The following TGM1 variants were observed in gnomAD, a reference collection of about 807,000 sequenced individuals.
The protein encoded by TGM1 is transglutaminase 1.
Under a neutral mutation model 88.7 loss-of-function variants are expected in TGM1, and 63 were observed. The observed-to-expected ratio is 0.71, with a 90% CI of 0.58 to 0.88. The LOEUF (loss-of-function observed/expected upper bound fraction) is 0.88, where lower values mean the gene tolerates loss of function less well. Ranked by LOEUF, TGM1 falls within the 40% of genes least tolerant of loss-of-function variation. The pLI is 0.00. For missense variants in TGM1, 996 were observed against 1,118.0 expected (o/e 0.89, Z 1.56); for synonymous variants, 415 against 431.1 (o/e 0.96, Z 0.46).
chr14:24,259,979 G>C lies in TGM1; in HGVS notation c.837C>G (p.Thr279=), dbSNP rs370435399. 1 of 1,614,128 alleles carries C rather than the reference G, an allele frequency of 6.2e-7. No homozygotes were observed. Among genetic ancestry groups the C allele is most frequent in the East Asian group, 2.2e-5 (1 of 44,878 alleles). Reference sequence around the variant, plus strand: ...AGGTCCGCTCACCAATCTGTGCTTCGGTCCCGTAGTAAATTCTCCCAGACT... The same window carrying C: ...AGGTCCGCTCACCAATCTGTGCTTCCGTCCCGTAGTAAATTCTCCCAGACT... ...LNESGRIYYG[T]EAQIGERTWN... is the part of the protein sequence containing the mutation. The change falls in exon 5 of 15, where the codon ACC becomes ACG. Residue 279 remains threonine (T), a synonymous_variant. Transcript: ENST00000206765. This position sits in a 1 kb window ranked among gnomAD's most constrained non-coding sequence, Gnocchi z 5.7.
At position 24,258,347 on chromosome 14, in the gene TGM1, T is replaced by C; in HGVS notation, c.1340A>G (p.Asp447Gly). The stretch of plus-strand genomic sequence containing the variant: ...CCACCCATCAAAGCCCGAGGGCAGA[T>C]CCGGCCTCTTCATCCAGCAGTCGTT... ...VWNDCWMKRP[D>G]LPSGFDGWQV... is the part of the protein sequence containing the mutation. Residue 447 changes from aspartate to glycine, a missense_variant, in exon 9 of 15, where the codon GAT becomes GGT. By Grantham distance (94) the Asp-to-Gly change is moderately conservative. Transcript: ENST00000206765. The C allele has an allele frequency of 6.2e-7, 1 of 1,614,132 alleles. No homozygotes were observed. The highest frequency in any genetic ancestry group is 8.5e-7 in the Non-Finnish European group (1 of 1,180,036).
rs1230681582 is a variant in TGM1 at position 24,255,026 on chromosome 14, T to C, written c.1873A>G (p.Ser625Gly). Residue 625 changes from serine to glycine, a missense_variant, in exon 12 of 15, where the codon AGT becomes GGT. Coordinates refer to ENST00000206765, the MANE Select transcript of TGM1 (RefSeq NM_000359.3). This position sits in a 1 kb window ranked among gnomAD's most constrained non-coding sequence, Gnocchi z 4.0. The part of the protein sequence containing the change: ...YLSVTFYTGV[S>G]GTIFKETKKE... ...TTGGTCTCCTTGAAGATGGTACCAC[T>C]GACACCAGTATAGAAAGTGACTGAG... The C allele has an allele frequency of 1.2e-6, 2 of 1,613,970 alleles. No homozygotes were observed. The highest frequency in any genetic ancestry group is 1.3e-5 in the African/African-American group (1 of 74,930).
In TGM1 at chr14:24,254,295, G is replaced by T; in HGVS notation, c.2089-7C>A. On this transcript the variant is annotated splice_polypyrimidine_tract_variant and splice_region_variant and intron_variant, in intron 13 of 14. Coordinates refer to ENST00000206765, the MANE Select transcript of TGM1 (RefSeq NM_000359.3). ...CCACTGCTGCTCCCAGTAACTGAGA[G>T]AAAAAGAGGCCCATCCCCCACGTCA... The T allele has an allele frequency of 6.2e-7, 1 of 1,613,982 alleles. No individual in the cohort carries two copies. Among genetic ancestry groups the T allele is most frequent in the Non-Finnish European group, 8.5e-7 (1 of 1,180,000 alleles).
At chr14:24,253,724 C>G (rs2040719965) in intron 14 of TGM1, among the ~76,000 whole-genome samples, 1 of 152,192 alleles carries the variant, frequency 6.6e-6, no homozygotes, top group Non-Finnish European at 1.5e-5. Flanking sequence ...TCAAGTGATC[C>G]ACTCACCTTG....
At position 24,259,018 on chromosome 14, in the gene TGM1, CT is replaced by C. The variant is rs36114057; in HGVS notation, c.1159+56del. 5.0e-6 allele frequency: 8 copies of C among 1,604,376 alleles called. No homozygotes were observed. In the South Asian group the frequency reaches 8.9e-5, roughly 18 times the overall value. Reference sequence around the variant, plus strand: ...TCTGGGCAGGGCTGGGTAAGCCTGGCTTTCCTCCCTTCTCCCTGTAGGGCCC... The same window carrying C: ...TCTGGGCAGGGCTGGGTAAGCCTGGCTTCCTCCCTTCTCCCTGTAGGGCCC... On this transcript the variant is annotated intron_variant, in intron 7 of 14. Transcript: ENST00000206765. The surrounding 1 kb of genome is among the most constrained non-coding windows in gnomAD (Gnocchi z 5.7).
intron 14 of TGM1, among the ~76,000 whole-genome samples, chr14:24,252,427 G>A (rs1251220164): frequency 6.6e-6 from 1 of 152,232 alleles, no homozygotes; most frequent in Non-Finnish European, 1.5e-5. Flanking sequence ...TGGGGCTGCT[G>A]AGGCAAGTCC....
intron 14 of TGM1, among the ~76,000 whole-genome samples, 167 bp from the exon 15 acceptor site, chr14:24,249,708 T>C (rs1453127376): frequency 1.3e-5 from 2 of 152,136 alleles, no homozygotes; most frequent in African/African-American, 4.8e-5. Context: ...AGGGCGCCTC[T>C]GCATAGCCAG....
In TGM1 at chr14:24,261,958, C is replaced by T. The variant is rs557123236; in HGVS notation, c.320-75G>A. 63 of 1,610,082 alleles carry T rather than the reference C, an allele frequency of 3.9e-5. 1 individual carries two copies. In the South Asian group the frequency reaches 6.8e-4, roughly 17 times the overall value. On this transcript the variant is annotated intron_variant, in intron 2 of 14. Coordinates refer to ENST00000206765, the MANE Select transcript of TGM1 (RefSeq NM_000359.3). ...CCTTATCATTAGCTTCCTATCCCCC[C>T]CAGAAATGCCAGGCTGAGTCTCTGG...
intron 4 of TGM1, 40 bp from the exon 5 acceptor site, chr14:24,260,098 C>T (rs1210722672): frequency 1.3e-6 from 2 of 1,550,810 alleles, no homozygotes; most frequent in African/African-American, 2.7e-5. Flanking sequence ...CCCTCCAGTT[C>T]TCTCCCTGGG....
rs779411899 is a variant in TGM1, at chr14:24,255,914, G to A, written c.1491+75C>T. On this transcript the variant is annotated intron_variant, in intron 10 of 14. Coordinates refer to ENST00000206765, the MANE Select transcript of TGM1 (RefSeq NM_000359.3). This position sits in a 1 kb window ranked among gnomAD's most constrained non-coding sequence, Gnocchi z 4.0. ...TGACTTGCCCCGGGTCGCAGAGCTG[G>A]TCAGTCAGCGGTGAAGTTGGGACCA... The A allele has an allele frequency of 2.7e-4, 334 of 1,255,950 alleles. 3 individuals are homozygous for A. Among genetic ancestry groups the A allele is most frequent in the Admixed American group, 4.0e-4 (20 of 50,618 alleles). 77.8% of individuals were successfully genotyped at this position (1,255,950 alleles called of 1,614,324 possible).
rs767782456 is a variant in TGM1 at position 24,259,982 on chromosome 14, C to T, written c.834G>A (p.Gly278=). 14 of 1,614,080 alleles carry T rather than the reference C, an allele frequency of 8.7e-6. No homozygotes were observed. Among genetic ancestry groups the T allele is most frequent in the South Asian group, 4.4e-5 (4 of 91,086 alleles). ...VLNESGRIYY[G]TEAQIGERTW... is the part of the protein sequence containing the mutation. ...TCCGCTCACCAATCTGTGCTTCGGT[C>T]CCGTAGTAAATTCTCCCAGACTCAT... is the stretch of plus-strand genomic sequence containing the variant. Residue 278 remains glycine (G), a synonymous_variant, in exon 5 of 15, where the codon GGG becomes GGA. Transcript: ENST00000206765. The surrounding 1 kb of genome is among the most constrained non-coding windows in gnomAD (Gnocchi z 5.7).
At chr14:24,258,234 A>G in intron 9 of TGM1, 51 bp downstream of exon 9, 3 of 1,461,356 alleles carry the variant, frequency 2.1e-6, no homozygotes, top group Non-Finnish European at 2.9e-6. Flanking sequence ...TGTGTTAATC[A>G]GGTGGGGGAG....
chr14:24,249,131 T>C lies in TGM1; in HGVS notation c.*182A>G. ...GCAGCAGCTTCATTAAAAAACAGTT[T>C]ATTAGCATCTGTTCCCCCAGTGCAA... is the stretch of plus-strand genomic sequence containing the variant. On this transcript the variant is annotated 3_prime_UTR_variant, in exon 15 of 15. Transcript: ENST00000206765. 9.0e-6 allele frequency: 6 copies of C among 669,530 alleles called. No homozygotes were observed. The highest frequency in any genetic ancestry group is 1.6e-5 in the Non-Finnish European group (6 of 372,420). 41.5% of individuals were successfully genotyped at this position (669,530 alleles called of 1,614,324 possible).
chr14:24,260,436 C>A lies in TGM1; in HGVS notation c.757+14G>T, dbSNP rs768826918. The A allele has an allele frequency of 6.8e-6, 11 of 1,613,998 alleles. No individual in the cohort carries two copies. The highest frequency in any genetic ancestry group is 8.5e-6 in the Non-Finnish European group (10 of 1,180,042). On this transcript the variant is annotated intron_variant, in intron 4 of 14. Transcript: ENST00000206765. ...CCTCCCATCTACCCTCTGCTCCAGA[C>A]CCCAGCTGCTCACCTGGGCACCAGG... is the stretch of plus-strand genomic sequence containing the variant.
In TGM1 at chr14:24,259,196, G is replaced by A; in HGVS notation, c.1038C>T (p.Tyr346=). The change falls in exon 7 of 15, where the codon TAC becomes TAT. Residue 346 remains tyrosine (Y), a synonymous_variant. Coordinates refer to ENST00000206765, the MANE Select transcript of TGM1 (RefSeq NM_000359.3). The surrounding 1 kb of genome is among the most constrained non-coding windows in gnomAD (Gnocchi z 5.7). ...ACGCTGATGGGTTGGTGCCTCGGGA[G>A]TAATCACCAGACCAGTTCCCAATCA... is the stretch of plus-strand genomic sequence containing the variant. ...GVLIGNWSGD[Y]SRGTNPSAWV... 6.2e-7 allele frequency: 1 copy of A among 1,614,076 alleles called. No individual in the cohort carries two copies. The highest frequency in any genetic ancestry group is 8.5e-7 in the Non-Finnish European group (1 of 1,179,966).
intron 3 of TGM1, among the ~76,000 whole-genome samples, 179 bp from the exon 4 acceptor site, chr14:24,260,877 T>C (rs1423331804): frequency 6.6e-6 from 1 of 152,184 alleles, no homozygotes; most frequent in African/African-American, 2.4e-5. Flanking sequence ...ACCCAATGCT[T>C]GCCCACATGT....
Position 24,254,270 on chromosome 14 carries a change from C to T in TGM1, c.2107G>A (p.Val703Ile). 1.2e-6 allele frequency: 2 copies of T among 1,614,090 alleles called. No homozygotes were observed. The highest frequency in any genetic ancestry group is 1.7e-6 in the Non-Finnish European group (2 of 1,180,014). ...ATCTGTACTTCACACTCCTGGCCAA[C>T]CACTGCTGCTCCCAGTAACTGAGAG... The part of the protein sequence containing the change: ...LSLTLLGAAV[V>I]GQECEVQIVF... The change falls in exon 14 of 15, where the codon GTT becomes ATT. Residue 703 changes from valine to isoleucine, a missense_variant. Coordinates refer to ENST00000206765, the MANE Select transcript of TGM1 (RefSeq NM_000359.3).
Position 24,261,957 on chromosome 14 carries a change from C to G in TGM1, c.320-74G>C, listed in dbSNP as rs558026698. 131 of 1,609,892 alleles carry G rather than the reference C, an allele frequency of 8.1e-5. 1 individual carries two copies. The South Asian group carries it at 8.6e-4, about 11-fold the overall frequency. ...CCCTTATCATTAGCTTCCTATCCCCCCCAGAAATGCCAGGCTGAGTCTCTG... is the reference window on the plus strand; with the variant it reads ...CCCTTATCATTAGCTTCCTATCCCCGCCAGAAATGCCAGGCTGAGTCTCTG... On this transcript the variant is annotated intron_variant, in intron 2 of 14. Transcript: ENST00000206765.
chr14:24,249,128 G>GTTTATTAGCA lies in TGM1; in HGVS notation c.*175_*184dup. 1 of 666,334 alleles carries GTTTATTAGCA rather than the reference G, an allele frequency of 1.5e-6. No homozygotes were observed. Among genetic ancestry groups the GTTTATTAGCA allele is most frequent in the Middle Eastern group, 3.0e-4 (1 of 3,346 alleles). 41.3% of individuals were successfully genotyped at this position (666,334 alleles called of 1,614,324 possible). The stretch of plus-strand genomic sequence containing the variant: ...AGAGCAGCAGCTTCATTAAAAAACA[G>GTTTATTAGCA]TTTATTAGCATCTGTTCCCCCAGTG... On this transcript the variant is annotated 3_prime_UTR_variant, in exon 15 of 15. Coordinates refer to ENST00000206765, the MANE Select transcript of TGM1 (RefSeq NM_000359.3).
Sources: allele counts gnomAD v4.1 joint callset (sites outside exome capture counted in the v4.1 genomes callset), GRCh38; gene constraint gnomAD v4.1.1; non-coding constraint Gnocchi (gnomAD v3.1); transcripts MANE v1.5; gene names NCBI Gene and HGNC (gene_info 2026-07-23, HGNC 2026-07-21).